FBXL17: variants seen among roughly 807,000 people sequenced by gnomAD.
The protein encoded by FBXL17 is F-box/LRR-repeat protein 17.
FBXL17 carries 22 observed loss-of-function variants against 66.2 expected under a neutral mutation model. That is an observed-to-expected ratio of 0.33 (90% CI 0.24 to 0.47). FBXL17 has a LOEUF of 0.47. Ranked by LOEUF, FBXL17 falls within the 20% of genes least tolerant of loss-of-function variation. The pLI, the probability that FBXL17 is intolerant of heterozygous loss-of-function variation, is 1.00. For synonymous variants in FBXL17, 474 were observed against 400.5 expected, an observed-to-expected ratio of 1.18 and a Z score of -2.19; for missense variants, 878 against 948.2, an observed-to-expected ratio of 0.93 and a Z score of 0.97.
At chr5:107,994,506 AT>A (rs1753386538) in intron 7 of FBXL17, among the ~76,000 whole-genome samples, 1 of 152,138 alleles carries the variant, frequency 6.6e-6, no homozygotes, top group Non-Finnish European at 1.5e-5. Context: ...AAAACTGCAT[AT>A]TTTAAAAAAT....
At chr5:108,292,005 G>A (rs1758132353) in intron 4 of FBXL17, among the ~76,000 whole-genome samples, 1 of 151,758 alleles carries the variant, frequency 6.6e-6, no homozygotes, top group Non-Finnish European at 1.5e-5. Context: ...ATCCTCTACA[G>A]AATGATCAGA....
intron 8 of FBXL17, among the ~76,000 whole-genome samples, chr5:107,863,098 G>C (rs1159397364): frequency 6.6e-6 from 1 of 151,296 alleles, no homozygotes; most frequent in Non-Finnish European, 1.5e-5. Flanking sequence ...TTGTGATAAA[G>C]CTATGATTTA....
At chr5:108,203,046 A>G (rs1445123172) in intron 5 of FBXL17, among the ~76,000 whole-genome samples, 1 of 152,180 alleles carries the variant, frequency 6.6e-6, no homozygotes, top group South Asian at 2.1e-4. Flanking sequence ...CTCAGGTAGA[A>G]AAAAGGTCAT....
intron 6 of FBXL17, among the ~76,000 whole-genome samples, chr5:108,029,540 T>C (rs1170415882): frequency 6.6e-6 from 1 of 152,146 alleles, no homozygotes; most frequent in African/African-American, 2.4e-5. Context: ...GCAAATCATC[T>C]TTGCTGTAAC....
At chr5:108,325,706 T>C (rs567678716) in intron 4 of FBXL17, among the ~76,000 whole-genome samples, 2 of 152,246 alleles carry the variant, frequency 1.3e-5, no homozygotes, top group East Asian at 1.9e-4. Context: ...TAGGTACACC[T>C]AGAAGTCGTG....
chr5:108,108,656 T>A (rs1163133922), intron 6 of FBXL17, among the ~76,000 whole-genome samples: 1 of 152,186 alleles, frequency 6.6e-6, no homozygotes, highest in Non-Finnish European at 1.5e-5. Context: ...CCTCTCCAAT[T>A]TTTTCAGCAC....
chr5:108,014,549 A>G (rs1754306094), intron 7 of FBXL17, among the ~76,000 whole-genome samples: 1 of 152,206 alleles, frequency 6.6e-6, no homozygotes, highest in South Asian at 2.1e-4. Flanking sequence ...TTCTAGCAAG[A>G]CACAGTGATA....
intron 7 of FBXL17, among the ~76,000 whole-genome samples, chr5:107,887,412 G>A (rs922837366): frequency 7.2e-5 from 11 of 152,116 alleles, no homozygotes; most frequent in Admixed American, 7.2e-4. Context: ...TGCATGTGCC[G>A]TTTTGTCCTT....
chr5:108,177,932 T>TATATATATATATATATATATATACAC (rs1242739302), intron 6 of FBXL17, among the ~76,000 whole-genome samples: 68 of 126,818 alleles, frequency 5.4e-4, no homozygotes, highest in African/African-American at 1.2e-3. Flanking sequence ...TATATATATA[T>TATATATATATATATATATATATACAC]ACACACACAC....
intron 1 of FBXL17, among the ~76,000 whole-genome samples, chr5:108,375,367 GCACACACA>G (rs61340348): frequency 0.12 from 18,310 of 148,814 alleles, 1,320 homozygotes; most frequent in Admixed American, 0.16. Context: ...CAGAGACCCT[GCACACACA>G]CACACACACA....
rs530296512 is a variant in FBXL17 at position 108,307,879 on chromosome 5, T to G, written c.1506+40520A>C. Among the ~76,000 whole-genome samples the G allele has an allele frequency of 7.9e-5, 12 of 152,266 alleles. No individual in the cohort carries two copies. In the South Asian group the frequency reaches 2.5e-3, roughly 32 times the overall value. Reference sequence around the variant, plus strand: ...GGAAAAGGCAAATCATCAGAAACTTTATAAGCAATTCCAGTTTGCTTTAGC... The same window carrying G: ...GGAAAAGGCAAATCATCAGAAACTTGATAAGCAATTCCAGTTTGCTTTAGC... On this transcript the variant is annotated intron_variant, in intron 4 of 8. Coordinates refer to ENST00000542267, the MANE Select transcript of FBXL17 (RefSeq NM_001163315.3).
chr5:108,157,918 G>A (rs1379397218), intron 6 of FBXL17, among the ~76,000 whole-genome samples: 1 of 151,952 alleles, frequency 6.6e-6, no homozygotes, highest in Non-Finnish European at 1.5e-5. Context: ...TTCATTTAAT[G>A]TGTCTGCTTA....
intron 6 of FBXL17, among the ~76,000 whole-genome samples, chr5:108,025,061 G>A (rs1302975542): frequency 1.3e-5 from 2 of 151,946 alleles, no homozygotes; most frequent in Non-Finnish European, 2.9e-5. Flanking sequence ...ATGTTTTTTT[G>A]TCTCCTACTC....
chr5:107,955,075 T>C (rs992507401), intron 7 of FBXL17, among the ~76,000 whole-genome samples: 1 of 152,074 alleles, frequency 6.6e-6, no homozygotes, highest in Non-Finnish European at 1.5e-5. Context: ...TCAGTTTTAA[T>C]TATAAAACAA....
chr5:108,367,011 T>G (rs760176169), intron 2 of FBXL17, among the ~76,000 whole-genome samples: 2 of 152,102 alleles, frequency 1.3e-5, no homozygotes, highest in African/African-American at 4.8e-5. Context: ...GGTGGGAGTA[T>G]TTATGTAATA....
intron 5 of FBXL17, among the ~76,000 whole-genome samples, chr5:108,199,893 A>C (rs1753821119): frequency 6.6e-6 from 1 of 152,160 alleles, no homozygotes; most frequent in Non-Finnish European, 1.5e-5. Flanking sequence ...GCAGCTAAGA[A>C]GACAAACTGG....
chr5:108,313,479 A>G (rs1189163877), intron 4 of FBXL17, among the ~76,000 whole-genome samples: 2 of 152,198 alleles, frequency 1.3e-5, no homozygotes, highest in East Asian at 3.9e-4. Flanking sequence ...AGACAGACCT[A>G]GTTCTGTCAT....
At chr5:107,924,979 G>A (rs1209431452) in intron 7 of FBXL17, among the ~76,000 whole-genome samples, 1 of 152,128 alleles carries the variant, frequency 6.6e-6, no homozygotes, top group African/African-American at 2.4e-5. Flanking sequence ...GAACCTCAAG[G>A]ACAAAGATTT....
chr5:107,917,162 T>G (rs1335624270), intron 7 of FBXL17, among the ~76,000 whole-genome samples: 1 of 152,222 alleles, frequency 6.6e-6, no homozygotes, highest in Non-Finnish European at 1.5e-5. Flanking sequence ...CTACTATTAC[T>G]GGCTGCTGAC....
Sources: allele counts gnomAD v4.1 joint callset (sites outside exome capture counted in the v4.1 genomes callset), GRCh38; gene constraint gnomAD v4.1.1; transcripts MANE v1.5; gene names NCBI Gene and HGNC (gene_info 2026-07-23, HGNC 2026-07-21).